CNTNAP4: variants seen among roughly 807,000 people sequenced by gnomAD.
CNTNAP4 encodes contactin-associated protein-like 4.
CNTNAP4 carries 98 observed loss-of-function variants against 148.4 expected under a neutral mutation model. The observed-to-expected ratio is 0.66, with a 90% CI of 0.56 to 0.78. CNTNAP4 has a LOEUF of 0.78. Among genes scored for constraint, CNTNAP4 ranks in the 30% least tolerant of loss-of-function variants. The probability of loss-of-function intolerance (pLI) is 0.00; values close to 1 mark genes in which losing one functional copy is unlikely to be tolerated. For missense variants in CNTNAP4, 1,935 were observed against 1,565.6 expected, an observed-to-expected ratio of 1.24 and a Z score of -3.98; for synonymous variants, 730 against 565.1, an observed-to-expected ratio of 1.29 and a Z score of -4.14.
chr16:76,368,684 C>T (rs1347465479), intron 3 of CNTNAP4, among the ~76,000 whole-genome samples: 2 of 151,678 alleles, frequency 1.3e-5, no homozygotes, highest in Non-Finnish European at 2.9e-5. Context: ...GGGTAAGGGG[C>T]AAGGGGAGGG....
chr16:76,451,239 T>C (rs976360237), intron 7 of CNTNAP4, among the ~76,000 whole-genome samples: 2 of 152,234 alleles, frequency 1.3e-5, no homozygotes, highest in Non-Finnish European at 2.9e-5. Context: ...GCTGGTGTTT[T>C]AATTCTAACT....
intron 1 of CNTNAP4, among the ~76,000 whole-genome samples, chr16:76,307,390 C>G (rs1960585279): frequency 6.6e-6 from 1 of 151,304 alleles, no homozygotes; most frequent in South Asian, 2.1e-4. Context: ...GAAATGGAGA[C>G]TAAATTGATA....
At chr16:76,339,034 AATG>A (rs1597244233) in intron 2 of CNTNAP4, among the ~76,000 whole-genome samples, 1 of 152,164 alleles carries the variant, frequency 6.6e-6, no homozygotes, top group African/African-American at 2.4e-5. Flanking sequence ...TAGTGATTAG[AATG>A]ATATTAATAA....
At chr16:76,308,151 T>C (rs1249871648) in intron 1 of CNTNAP4, among the ~76,000 whole-genome samples, 1 of 152,150 alleles carries the variant, frequency 6.6e-6, no homozygotes, top group African/African-American at 2.4e-5. Flanking sequence ...AGCCAATGAC[T>C]GACAGAATTA....
chr16:76,366,002 T>A (rs1452015213), intron 3 of CNTNAP4, among the ~76,000 whole-genome samples: 1 of 152,174 alleles, frequency 6.6e-6, no homozygotes. Flanking sequence ...ATATATATTC[T>A]GAAGCTACTC....
At chr16:76,339,991 G>T (rs1964336587) in intron 2 of CNTNAP4, among the ~76,000 whole-genome samples, 1 of 152,152 alleles carries the variant, frequency 6.6e-6, no homozygotes, top group African/African-American at 2.4e-5. Context: ...TGAGTGAGAG[G>T]CATAAGAACA....
At chr16:76,475,485 G>T (rs567539160) in intron 10 of CNTNAP4, among the ~76,000 whole-genome samples, 3 of 152,168 alleles carry the variant, frequency 2.0e-5, no homozygotes, top group African/African-American at 4.8e-5. Flanking sequence ...AGCCTATACT[G>T]TGTATTCTCC....
At position 76,525,139 on chromosome 16, in the gene CNTNAP4, T is replaced by A. The variant is rs147134327; in HGVS notation, c.2755+2882T>A. Among the ~76,000 whole-genome samples the A allele has an allele frequency of 9.3e-4, 142 of 152,234 alleles. No homozygotes were observed. In the Middle Eastern group the frequency reaches 0.01, roughly 11 times the overall value. On this transcript the variant is annotated intron_variant, in intron 17 of 23. Transcript: ENST00000611870. ...GCTTGCAAGACAAAATATTCATTTA[T>A]CAATTTACAACATTACTATCACACA...
intron 21 of CNTNAP4, among the ~76,000 whole-genome samples, chr16:76,541,399 T>G (rs1222530524): frequency 1.3e-5 from 2 of 152,370 alleles, no homozygotes; most frequent in Non-Finnish European, 2.9e-5. Context: ...GTTTGCATTT[T>G]TTTACACTTG....
intron 3 of CNTNAP4, among the ~76,000 whole-genome samples, chr16:76,425,588 T>TG (rs2079360341): frequency 1.3e-5 from 2 of 151,948 alleles, no homozygotes; most frequent in Non-Finnish European, 1.5e-5. Context: ...AAGATATTTA[T>TG]GGGGAGTGTC....
At chr16:76,323,898 G>T (rs1454999131) in intron 2 of CNTNAP4, among the ~76,000 whole-genome samples, 3 of 152,146 alleles carry the variant, frequency 2.0e-5, no homozygotes, top group Non-Finnish European at 4.4e-5. Flanking sequence ...AATTGTGAAT[G>T]GCCTTAAGGA....
At chr16:76,399,766 G>C (rs965769071) in intron 3 of CNTNAP4, among the ~76,000 whole-genome samples, 1 of 152,146 alleles carries the variant, frequency 6.6e-6, no homozygotes, top group Non-Finnish European at 1.5e-5. Flanking sequence ...AAACTTTGAT[G>C]CATCTTTTGT....
intron 3 of CNTNAP4, among the ~76,000 whole-genome samples, chr16:76,424,758 A>G (rs949649101): frequency 8.0e-6 from 1 of 124,534 alleles, no homozygotes; most frequent in Non-Finnish European, 1.8e-5. Flanking sequence ...GACTCGGTCT[A>G]AAAAAACAAA....
At chr16:76,376,695 G>C (rs1038486479) in intron 3 of CNTNAP4, among the ~76,000 whole-genome samples, 1 of 152,150 alleles carries the variant, frequency 6.6e-6, no homozygotes, top group Non-Finnish European at 1.5e-5. Context: ...GGAACTGAGG[G>C]CATAGACATT....
In CNTNAP4 at chr16:76,440,513, T is replaced by G. The variant is rs2079991902; in HGVS notation, c.539-7499T>G. ...CCCACAGTATAAATAAATAAAACAT[T>G]CATTTCCATGGTACAATTCATTTCC... On this transcript the variant is annotated intron_variant, in intron 4 of 23. Coordinates refer to ENST00000611870, the MANE Select transcript of CNTNAP4 (RefSeq NM_033401.5). Among the ~76,000 whole-genome samples the G allele has an allele frequency of 2.0e-5, 3 of 152,208 alleles. No individual in the cohort carries two copies. In the South Asian group the frequency reaches 6.2e-4, roughly 32 times the overall value.
intron 13 of CNTNAP4, among the ~76,000 whole-genome samples, chr16:76,492,823 C>T (rs1021560781): frequency 1.3e-5 from 2 of 152,138 alleles, no homozygotes; most frequent in Admixed American, 6.5e-5. Flanking sequence ...GTCCATCAAA[C>T]CTCTTTTCTT....
intron 2 of CNTNAP4, among the ~76,000 whole-genome samples, chr16:76,322,590 G>A (rs944262428): frequency 6.6e-6 from 1 of 152,190 alleles, no homozygotes; most frequent in African/African-American, 2.4e-5. Context: ...TACGGGAAGA[G>A]CAGGGATAAC....
intron 1 of CNTNAP4, among the ~76,000 whole-genome samples, chr16:76,282,232 T>C (rs1240735225): frequency 6.6e-6 from 1 of 151,932 alleles, no homozygotes; most frequent in East Asian, 1.9e-4. Context: ...TGTTTTTTCT[T>C]AAAGACTTTA....
chr16:76,416,282 A>T (rs1490186661), intron 3 of CNTNAP4, among the ~76,000 whole-genome samples: 1 of 151,248 alleles, frequency 6.6e-6, no homozygotes, highest in African/African-American at 2.4e-5. Context: ...TCTAATTTTT[A>T]AAATTTCTTT....
Sources: gnomAD v4.1 joint callset for allele counts (sites outside exome capture counted in the v4.1 genomes callset) on GRCh38, gnomAD v4.1.1 for gene constraint, MANE v1.5 for transcripts, NCBI Gene and HGNC (gene_info 2026-07-23, HGNC 2026-07-21) for gene names.